CHURC1: variants seen among roughly 807,000 people sequenced by gnomAD.
CHURC1 encodes the protein churchill domain containing 1, also known as protein Churchill.
Under a neutral mutation model 15.4 loss-of-function variants are expected in CHURC1, and 12 were observed. The observed-to-expected ratio is 0.78, with a 90% CI of 0.50 to 1.27. CHURC1 has a LOEUF of 1.27. Among genes scored for constraint, CHURC1 ranks in the 50% most tolerant of loss-of-function variants. The pLI is 0.00. For synonymous variants in CHURC1, 42 were observed against 47.5 expected, an observed-to-expected ratio of 0.88 and a Z score of 0.48; for missense variants, 132 against 137.8, an observed-to-expected ratio of 0.96 and a Z score of 0.21.
intron 3 of CHURC1, among the ~76,000 whole-genome samples, chr14:64,930,092 A>G (rs1369575928): frequency 5.3e-5 from 8 of 151,850 alleles, no homozygotes; most frequent in Non-Finnish European, 8.8e-5. Context: ...TAAAGCTAAT[A>G]GAGAAAAAAG....
intron 2 of CHURC1, 39 bp from the exon 3 acceptor site, chr14:64,925,971 C>G (rs776706964): frequency 3.9e-5 from 57 of 1,460,194 alleles, no homozygotes; most frequent in Non-Finnish European, 5.3e-5. Flanking sequence ...AAGAAACTCT[C>G]TAAGACTTAA....
intron 1 of CHURC1, 97 bp from the exon 2 acceptor site, chr14:64,923,894 A>G (rs1884495183): frequency 1.8e-6 from 2 of 1,141,476 alleles, no homozygotes; most frequent in Admixed American, 4.3e-5. Flanking sequence ...GCCATTTTTT[A>G]GTTTTGTTTT....
At chr14:64,920,899 A>G (rs1374692784) in intron 1 of CHURC1, among the ~76,000 whole-genome samples, 1 of 152,216 alleles carries the variant, frequency 6.6e-6, no homozygotes, top group Non-Finnish European at 1.5e-5. Context: ...ATTTACATGA[A>G]ACTGAAAAGA....
intron 2 of CHURC1, chr14:64,924,407 T>A: frequency 4.5e-6 from 1 of 224,622 alleles, no homozygotes; most frequent in East Asian, 9.7e-5. Flanking sequence ...AAAAGCTTTA[T>A]GCTGCCTTAA....
At position 64,924,055 on chromosome 14, in the gene CHURC1, A is replaced by T; in HGVS notation, c.104A>T (p.Lys35Met). 1 of 1,608,976 alleles carries T rather than the reference A, an allele frequency of 6.2e-7. No homozygotes were observed. The highest frequency in any genetic ancestry group is 1.1e-5 in the South Asian group (1 of 90,080). The change falls in exon 2 of 4, where the codon AAG (lysine) becomes ATG (methionine). Residue 35 changes from lysine to methionine, a missense_variant. Lys to Met is a moderately conservative substitution (Grantham distance 95, BLOSUM62 -1). Coordinates refer to ENST00000549115, the MANE Select transcript of CHURC1 (RefSeq NM_001386928.1). ...LNFTGCAVCSKRDFMLITNKS... is the reference protein window; with the variant it reads ...LNFTGCAVCSMRDFMLITNKS... ...TTTACAGGCTGTGCAGTGTGCAGTA[A>T]GCGGGATTTTATGCTGATCACAAAC...
At chr14:64,931,969 G>A (rs1473654015) in intron 3 of CHURC1, among the ~76,000 whole-genome samples, 169 bp from the exon 4 acceptor site, 4 of 152,130 alleles carry the variant, frequency 2.6e-5, no homozygotes, top group Non-Finnish European at 5.9e-5. Flanking sequence ...AACAGGCTCT[G>A]GAATATACAG....
intron 3 of CHURC1, among the ~76,000 whole-genome samples, chr14:64,931,543 A>G (rs1053259654): frequency 2.0e-5 from 3 of 152,022 alleles, no homozygotes; most frequent in African/African-American, 7.3e-5. Context: ...AAAAAAAAAA[A>G]GAAAAAGGAC....
rs987244074 is a variant in CHURC1 at position 64,929,945 on chromosome 14, C to CA, written c.247-2193_247-2192insA. Among the ~76,000 whole-genome samples, 14 of 148,482 alleles carry CA rather than the reference C, an allele frequency of 9.4e-5. 1 individual carries two copies. The highest frequency in any genetic ancestry group is 2.5e-4 in the African/African-American group (10 of 39,502). On this transcript the variant is annotated intron_variant, in intron 3 of 3. Coordinates refer to ENST00000549115, the MANE Select transcript of CHURC1 (RefSeq NM_001386928.1). ...AAAAACCCTCCTAGCAAAAGCCCCC[C>CA]CCCACACACACACCAAAATTGTGTG...
At position 64,932,509 on chromosome 14, in the gene CHURC1, G is replaced by A. The variant is rs1885136143; in HGVS notation, c.*279G>A. ...AACAACTAGAATGGGAGCACACCTG[G>A]TGCCCAGATTTTGGTTTCCAATAAA... On this transcript the variant is annotated 3_prime_UTR_variant, in exon 4 of 4. Coordinates refer to ENST00000549115, the MANE Select transcript of CHURC1 (RefSeq NM_001386928.1). 1 of 1,101,112 alleles carries A rather than the reference G, an allele frequency of 9.1e-7. No homozygotes were observed. The highest frequency in any genetic ancestry group is 1.1e-6 in the Non-Finnish European group (1 of 902,398). The allele number at this position is 1,101,112 out of a possible 1,614,324, so 68.2% of individuals were successfully genotyped here. A position where few individuals can be genotyped will look rare whatever the true frequency, so the allele number is the denominator to read the frequency against.
chr14:64,926,003 T>G lies in CHURC1; in HGVS notation c.176-7T>G, dbSNP rs1387953442. On this transcript the variant is annotated splice_polypyrimidine_tract_variant and splice_region_variant and intron_variant, in intron 2 of 3. Coordinates refer to ENST00000549115, the MANE Select transcript of CHURC1 (RefSeq NM_001386928.1). ...TTAATTACGTAAGTCTCTCTTTGTT[T>G]TAGCAGATTTGTGTAAGAATTGTCA... 2.1e-5 allele frequency: 33 copies of G among 1,592,470 alleles called. No homozygotes were observed. Among genetic ancestry groups the G allele is most frequent in the Non-Finnish European group, 2.6e-5 (31 of 1,171,118 alleles).
intron 1 of CHURC1, among the ~76,000 whole-genome samples, chr14:64,917,002 G>T (rs1287646033): frequency 1.3e-5 from 2 of 152,212 alleles, no homozygotes; most frequent in African/African-American, 4.8e-5. Flanking sequence ...TCTGAAATCT[G>T]TTATTTAGGA....
At position 64,933,265 on chromosome 14, in the gene CHURC1, T is replaced by G. The variant is rs1354096268; in HGVS notation, c.*1035T>G. The G allele has an allele frequency of 3.9e-6, 2 of 514,988 alleles. No homozygotes were observed. The highest frequency in any genetic ancestry group is 4.2e-5 in the African/African-American group (2 of 48,176). 31.9% of individuals were successfully genotyped at this position (514,988 alleles called of 1,614,324 possible). A position where few individuals can be genotyped will look rare whatever the true frequency, so the allele number is the denominator to read the frequency against. Reference sequence around the variant, plus strand: ...GAAGACATGACTGCTAGATGTAATGTGGTATCCTACATGGAATTATATACC... The same window carrying G: ...GAAGACATGACTGCTAGATGTAATGGGGTATCCTACATGGAATTATATACC... On this transcript the variant is annotated 3_prime_UTR_variant, in exon 4 of 4. Coordinates refer to ENST00000549115, the MANE Select transcript of CHURC1 (RefSeq NM_001386928.1).
At chr14:64,919,304 C>A (rs891694448) in intron 1 of CHURC1, among the ~76,000 whole-genome samples, 1 of 152,124 alleles carries the variant, frequency 6.6e-6, no homozygotes, top group African/African-American at 2.4e-5. Flanking sequence ...TACAGAAATA[C>A]ATTATGAATC....
In CHURC1 at chr14:64,932,641, T is replaced by TAA. The variant is rs56979488; in HGVS notation, c.*422_*423dup. On this transcript the variant is annotated 3_prime_UTR_variant, in exon 4 of 4. Transcript: ENST00000549115. Reference sequence around the variant, plus strand: ...CCACAGAAAAATGAAGTACTGAAATTAAAAAAAAAAAATCATAGTGATTGG... The same window carrying TAA: ...CCACAGAAAAATGAAGTACTGAAATTAAAAAAAAAAAAAATCATAGTGATTGG... The TAA allele has an allele frequency of 1.0e-3, 179 of 171,874 alleles. No individual in the cohort carries two copies. Among genetic ancestry groups the TAA allele is most frequent in the Non-Finnish European group, 1.5e-3 (133 of 88,802 alleles). The allele number at this position is 171,874 out of a possible 1,614,324, so 10.6% of individuals were successfully genotyped here. A position where few individuals can be genotyped will look rare whatever the true frequency, so the allele number is the denominator to read the frequency against.
chr14:64,919,406 G>A (rs941644962), intron 1 of CHURC1, among the ~76,000 whole-genome samples: 1 of 152,150 alleles, frequency 6.6e-6, no homozygotes, highest in Non-Finnish European at 1.5e-5. Context: ...ATATATTCAA[G>A]TTGTTGCTTA....
chr14:64,917,400 T>TA (rs1287908484), intron 1 of CHURC1, among the ~76,000 whole-genome samples: 1 of 152,112 alleles, frequency 6.6e-6, no homozygotes, highest in Non-Finnish European at 1.5e-5. Context: ...CCGTCTCTAC[T>TA]AAAAATACAA....
intron 3 of CHURC1, among the ~76,000 whole-genome samples, chr14:64,929,212 C>T (rs1034830664): frequency 2.0e-5 from 3 of 152,180 alleles, no homozygotes; most frequent in Non-Finnish European, 4.4e-5. Context: ...ACTCCGTAAG[C>T]GATGCGCATG....
In CHURC1 at chr14:64,914,526, C is replaced by T. The variant is rs1883720146; in HGVS notation, c.31C>T (p.Pro11Ser). The T allele has an allele frequency of 1.2e-6, 2 of 1,614,224 alleles. No individual in the cohort carries two copies. The highest frequency in any genetic ancestry group is 1.7e-6 in the Non-Finnish European group (2 of 1,180,032). Residue 11 changes from proline to serine, a missense_variant, in exon 1 of 4, where the codon CCC becomes TCC. By Grantham distance (74) the Pro-to-Ser change is moderately conservative. Transcript: ENST00000549115. Reference sequence around the variant, plus strand: ...TGGCGACTGTGTGGAGAAGGAATATCCCAACCGGGTGAGCGACTGGGCGCT... The same window carrying T: ...TGGCGACTGTGTGGAGAAGGAATATTCCAACCGGGTGAGCGACTGGGCGCT... The part of the protein sequence containing the change: MCGDCVEKEY[P>S]NRGNTCLENG...
At chr14:64,915,312 A>C (rs1431649981) in intron 1 of CHURC1, among the ~76,000 whole-genome samples, 1 of 152,230 alleles carries the variant, frequency 6.6e-6, no homozygotes, top group Non-Finnish European at 1.5e-5. Context: ...TATTTGTTTC[A>C]GAGAAGAAAT....
Sources: gnomAD v4.1 joint callset for allele counts (sites outside exome capture counted in the v4.1 genomes callset) on GRCh38, gnomAD v4.1.1 for gene constraint, MANE v1.5 for transcripts, NCBI Gene and HGNC (gene_info 2026-07-23, HGNC 2026-07-21) for gene names.